HECW1: variants seen among roughly 807,000 people sequenced by gnomAD.
HECW1 encodes HECT, C2 and WW domain containing E3 ubiquitin protein ligase 1, also known as E3 ubiquitin-protein ligase HECW1.
HECW1 carries 61 observed loss-of-function variants against 182.3 expected under a neutral mutation model. That is an observed-to-expected ratio of 0.33 (90% CI 0.27 to 0.41). The LOEUF (loss-of-function observed/expected upper bound fraction) is 0.41. Among genes scored for constraint, HECW1 ranks in the 10% least tolerant of loss-of-function variants. The probability of loss-of-function intolerance (pLI) is 1.00; values close to 1 mark genes in which losing one functional copy is unlikely to be tolerated. For synonymous variants in HECW1, 859 were observed against 832.6 expected (o/e 1.03, Z -0.55); for missense variants, 1,739 against 2,108.9 (o/e 0.82, Z 3.44).
chr7:43,264,716 C>T (rs138567715), intron 3 of HECW1, among the ~76,000 whole-genome samples: 69 of 151,936 alleles, frequency 4.5e-4, no homozygotes, highest in Non-Finnish European at 6.2e-4. Flanking sequence ...TGGTGGCGGG[C>T]ACCTGTAGTC....
At chr7:43,126,711 A>G (rs140522451) in intron 2 of HECW1, among the ~76,000 whole-genome samples, 3 of 152,324 alleles carry the variant, frequency 2.0e-5, no homozygotes, top group Non-Finnish European at 2.9e-5. Flanking sequence ...TTTTTCCAAC[A>G]GCATGTGCTC....
At chr7:43,287,155 G>A (rs1804753132) in intron 3 of HECW1, among the ~76,000 whole-genome samples, 1 of 152,186 alleles carries the variant, frequency 6.6e-6, no homozygotes, top group Non-Finnish European at 1.5e-5. Context: ...GTTTTCAGTG[G>A]TGTTAAATTC....
rs185332466 is a variant in HECW1 at position 43,244,169 on chromosome 7, G to C, written c.27+237G>C. 1.0e-3 allele frequency among the ~76,000 whole-genome samples: 156 copies of C among 152,292 alleles called. 2 individuals carry two copies. The highest frequency in any genetic ancestry group is 3.7e-3 in the African/African-American group (155 of 41,558). On this transcript the variant is annotated intron_variant, in intron 3 of 29. Coordinates refer to ENST00000395891, the MANE Select transcript of HECW1 (RefSeq NM_015052.5). ...TGTTTTTGCATGTGGAGTCCTCCTT[G>C]TGTGATGTGAACGTACAGTTGTTAC...
Position 43,243,988 on chromosome 7 carries a change from A to C in HECW1, c.27+56A>C. The C allele has an allele frequency of 7.4e-7, 1 of 1,352,292 alleles. No homozygotes were observed. Among genetic ancestry groups the C allele is most frequent in the Non-Finnish European group, 1.1e-6 (1 of 941,044 alleles). The allele number at this position is 1,352,292 out of a possible 1,614,324, so 83.8% of individuals were successfully genotyped here. A position where few individuals can be genotyped will look rare whatever the true frequency, so the allele number is the denominator to read the frequency against. On this transcript the variant is annotated intron_variant, in intron 3 of 29. Coordinates refer to ENST00000395891, the MANE Select transcript of HECW1 (RefSeq NM_015052.5). The surrounding 1 kb of genome is among the most constrained non-coding windows in gnomAD (Gnocchi z 4.0). ...ATCCATGTCATTCCATTATAAACCC[A>C]CTCCACTCATAATGGAATGTGCCTC...
chr7:43,226,912 C>G (rs1468482843), intron 2 of HECW1, among the ~76,000 whole-genome samples: 1 of 152,234 alleles, frequency 6.6e-6, no homozygotes, highest in East Asian at 1.9e-4. Flanking sequence ...GGGGCCATCT[C>G]CAGCCGTCCA....
At chr7:43,240,545 C>T (rs1798787570) in intron 2 of HECW1, among the ~76,000 whole-genome samples, 1 of 152,134 alleles carries the variant, frequency 6.6e-6, no homozygotes, top group African/African-American at 2.4e-5. Flanking sequence ...AACGTGCTTT[C>T]TAATATTTGG....
At chr7:43,429,412 G>C (rs761605144) in intron 8 of HECW1, among the ~76,000 whole-genome samples, 1 of 149,970 alleles carries the variant, frequency 6.7e-6, no homozygotes, top group Non-Finnish European at 1.5e-5. Context: ...CCCTAGGATA[G>C]AGTCAAACCA....
chr7:43,187,875 C>T (rs1011096287), intron 2 of HECW1, among the ~76,000 whole-genome samples: 1 of 152,170 alleles, frequency 6.6e-6, no homozygotes, highest in Non-Finnish European at 1.5e-5. Flanking sequence ...TGATATACTA[C>T]AGCACAAGTC....
In HECW1 at chr7:43,450,785, C is replaced by A. The variant is rs143926051; in HGVS notation, c.2399-43C>A. On this transcript the variant is annotated intron_variant, in intron 11 of 29. Transcript: ENST00000395891. ...TCATGCTTTTTTGATGATGTTGCCACGGCAGTGAATGAATCTGAATGTATT... is the reference window on the plus strand; with the variant it reads ...TCATGCTTTTTTGATGATGTTGCCAAGGCAGTGAATGAATCTGAATGTATT... 4.6e-4 allele frequency: 561 copies of A among 1,231,278 alleles called. 6 individuals are homozygous for A. The East Asian group carries it at 0.012, about 27-fold the overall frequency. 76.3% of individuals were successfully genotyped at this position (1,231,278 alleles called of 1,614,324 possible).
chr7:43,425,771 A>G (rs898831756), intron 8 of HECW1, among the ~76,000 whole-genome samples: 1 of 152,166 alleles, frequency 6.6e-6, no homozygotes. Flanking sequence ...TAATGCCTTC[A>G]ATAATAGCAT....
At chr7:43,452,903 G>A (rs931241836) in intron 12 of HECW1, among the ~76,000 whole-genome samples, 3 of 152,190 alleles carry the variant, frequency 2.0e-5, no homozygotes, top group Non-Finnish European at 4.4e-5. Flanking sequence ...ACTGCCAGTC[G>A]GGAGTTGGAA....
intron 17 of HECW1, chr7:43,484,699 C>T (rs1321821345): frequency 6.6e-6 from 1 of 152,178 alleles, no homozygotes; most frequent in Non-Finnish European, 1.5e-5. Flanking sequence ...TTTGGATTGT[C>T]CTTTACCTCA....
chr7:43,365,461 C>CT (rs398004600), intron 6 of HECW1, among the ~76,000 whole-genome samples: 7 of 151,846 alleles, frequency 4.6e-5, no homozygotes, highest in African/African-American at 1.5e-4. Flanking sequence ...CATTCCCACC[C>CT]GTGTGGGGCC....
chr7:43,395,656 AC>A (rs2152837271), intron 6 of HECW1, among the ~76,000 whole-genome samples: 1 of 152,308 alleles, frequency 6.6e-6, no homozygotes, highest in Non-Finnish European at 1.5e-5. Flanking sequence ...GATGCACATC[AC>A]ATTTGGGCTT....
At chr7:43,218,830 TA>T (rs1796679556) in intron 2 of HECW1, among the ~76,000 whole-genome samples, 1 of 152,072 alleles carries the variant, frequency 6.6e-6, no homozygotes, top group Non-Finnish European at 1.5e-5. Flanking sequence ...GTGATTTAGA[TA>T]AAATGACACG....
chr7:43,357,045 C>T (rs79075772), intron 5 of HECW1, among the ~76,000 whole-genome samples: 4,719 of 152,190 alleles, frequency 0.031, 103 homozygotes, highest in South Asian at 0.071. Context: ...AATGAGTTAT[C>T]ATTCACCCCA....
At chr7:43,129,972 GT>G (rs1786729951) in intron 2 of HECW1, among the ~76,000 whole-genome samples, 1 of 152,172 alleles carries the variant, frequency 6.6e-6, no homozygotes. Context: ...TATAGATGCA[GT>G]TTTTTCTCAA....
intron 17 of HECW1, among the ~76,000 whole-genome samples, chr7:43,485,372 G>T (rs2078590888): frequency 6.6e-6 from 1 of 152,158 alleles, no homozygotes; most frequent in Admixed American, 6.5e-5. Flanking sequence ...CTTGATCACA[G>T]GTTTGGCTGG....
chr7:43,451,143 G>A (rs531390468), intron 12 of HECW1, among the ~76,000 whole-genome samples: 1 of 152,316 alleles, frequency 6.6e-6, no homozygotes, highest in African/African-American at 2.4e-5. Context: ...TGATCTTGAA[G>A]AGATAACACA....
Sources: gnomAD v4.1 joint callset for allele counts (sites outside exome capture counted in the v4.1 genomes callset) on GRCh38, gnomAD v4.1.1 for gene constraint, Gnocchi (gnomAD v3.1) non-coding constraint, MANE v1.5 for transcripts, NCBI Gene and HGNC (gene_info 2026-07-23, HGNC 2026-07-21) for gene names.